Variants in ADAM28 observed in about 807,000 individuals in gnomAD.
ADAM28 encodes the protein ADAM metallopeptidase domain 28, also known as disintegrin and metalloproteinase domain-containing protein 28.
ADAM28 carries 105 observed loss-of-function variants against 101.2 expected under a neutral mutation model. That is an observed-to-expected ratio of 1.04 (90% CI 0.89 to 1.22). The LOEUF (loss-of-function observed/expected upper bound fraction) is 1.22, where lower values mean the gene tolerates loss of function less well. Ranked by LOEUF, ADAM28 falls within the 50% of genes most tolerant of loss-of-function variation. The pLI is 0.00. For synonymous variants in ADAM28, 322 were observed against 310.6 expected, an observed-to-expected ratio of 1.04 and a Z score of -0.39; for missense variants, 1,028 against 945.4, an observed-to-expected ratio of 1.09 and a Z score of -1.15.
intron 5 of ADAM28, among the ~76,000 whole-genome samples, chr8:24,312,582 G>T (rs189256185): frequency 6.6e-6 from 1 of 151,792 alleles, no homozygotes; most frequent in Non-Finnish European, 1.5e-5. Flanking sequence ...ATTTAATTCA[G>T]TCTGTCTATT....
chr8:24,318,113 T>C (rs1811402501), intron 6 of ADAM28, among the ~76,000 whole-genome samples: 1 of 151,978 alleles, frequency 6.6e-6, no homozygotes, highest in Admixed American at 6.6e-5. Context: ...AGCTTGATGT[T>C]TGCCTTACTT....
chr8:24,342,569 A>G (rs912435849), intron 16 of ADAM28, among the ~76,000 whole-genome samples: 1 of 151,990 alleles, frequency 6.6e-6, no homozygotes, highest in African/African-American at 2.4e-5. Context: ...CTTTTCCCCC[A>G]TTTTTCCTGA....
At chr8:24,339,840 G>A (rs1204474603) in intron 15 of ADAM28, among the ~76,000 whole-genome samples, 1 of 152,174 alleles carries the variant, frequency 6.6e-6, no homozygotes. Context: ...ATGAATGGTT[G>A]TGATGGAACA....
chr8:24,323,600 C>A (rs1238067305), intron 8 of ADAM28, among the ~76,000 whole-genome samples: 1 of 151,774 alleles, frequency 6.6e-6, no homozygotes, highest in Non-Finnish European at 1.5e-5. Flanking sequence ...CTACCACCCC[C>A]CACCCAAAAA....
At chr8:24,350,722 C>T (rs560709684) in intron 19 of ADAM28, among the ~76,000 whole-genome samples, 8 of 152,264 alleles carry the variant, frequency 5.3e-5, no homozygotes, top group African/African-American at 1.7e-4. Flanking sequence ...AACCCTTACA[C>T]AATTTTGCAA....
intron 6 of ADAM28, 63 bp downstream of exon 6, chr8:24,313,643 C>T (rs1810770084): frequency 1.3e-6 from 2 of 1,522,030 alleles, no homozygotes; most frequent in African/African-American, 2.8e-5. Flanking sequence ...CCAGAATTAG[C>T]AGTGCAATTT....
rs566757069 is a variant in ADAM28, at chr8:24,348,123, G to C, written c.1991-1741G>C. On this transcript the variant is annotated intron_variant, in intron 18 of 22. Coordinates refer to ENST00000265769, the MANE Select transcript of ADAM28 (RefSeq NM_014265.6). Reference sequence around the variant, plus strand: ...TTCTCTCCTTTCTTACTTTCTTATAGACTTATTGATTTTATTATTTTATTA... The same window carrying C: ...TTCTCTCCTTTCTTACTTTCTTATACACTTATTGATTTTATTATTTTATTA... 2.0e-5 allele frequency among the ~76,000 whole-genome samples: 3 copies of C among 151,854 alleles called. No homozygotes were observed. In the South Asian group the frequency reaches 6.3e-4, roughly 32 times the overall value.
intron 1 of ADAM28, among the ~76,000 whole-genome samples, chr8:24,298,935 T>C (rs1282475753): frequency 6.6e-6 from 1 of 151,946 alleles, no homozygotes; most frequent in Non-Finnish European, 1.5e-5. Context: ...CTCATACCTG[T>C]AATCCCAGCA....
chr8:24,321,590 C>T, intron 8 of ADAM28: 1 of 385,254 alleles, frequency 2.6e-6, no homozygotes, highest in Non-Finnish European at 4.8e-6. Flanking sequence ...AGACCAAATC[C>T]CAACAGAAAG....
intron 1 of ADAM28, 24 bp downstream of exon 1, chr8:24,294,219 G>C: frequency 6.2e-7 from 1 of 1,613,526 alleles, no homozygotes; most frequent in Non-Finnish European, 8.5e-7. Context: ...TCTTTTTCAG[G>C]TTCTATTGAA....
At chr8:24,318,449 G>A (rs535397937) in intron 6 of ADAM28, among the ~76,000 whole-genome samples, 1 of 151,938 alleles carries the variant, frequency 6.6e-6, no homozygotes, top group African/African-American at 2.4e-5. Flanking sequence ...CCTGCCCTGT[G>A]CCTTATTTAA....
chr8:24,337,389 T>C (rs1387109602), intron 14 of ADAM28, among the ~76,000 whole-genome samples: 2 of 152,212 alleles, frequency 1.3e-5, no homozygotes, highest in Non-Finnish European at 2.9e-5. Context: ...TTGTAGTAAA[T>C]ATTAACTGCA....
chr8:24,330,404 A>G (rs1813217793), intron 11 of ADAM28, among the ~76,000 whole-genome samples: 1 of 152,168 alleles, frequency 6.6e-6, no homozygotes, highest in Admixed American at 6.6e-5. Flanking sequence ...CCATGAATTC[A>G]GCATAGATGG....
intron 1 of ADAM28, among the ~76,000 whole-genome samples, chr8:24,298,426 C>A (rs531313546): frequency 2.0e-5 from 3 of 151,912 alleles, no homozygotes; most frequent in African/African-American, 7.2e-5. Flanking sequence ...TTTTAAAAAA[C>A]GCTGTTTTTT....
At position 24,356,658 on chromosome 8, in the gene ADAM28, C is replaced by CT. The variant is rs1816706631; in HGVS notation, c.*2254_*2255insT. On this transcript the variant is annotated 3_prime_UTR_variant, in exon 23 of 23. Transcript: ENST00000265769. Reference sequence around the variant, plus strand: ...TACTGTTTCCACACTTACTTATATCCGTAACTTTCTAACTTTAAGGGAATT... The same window carrying CT: ...TACTGTTTCCACACTTACTTATATCCTGTAACTTTCTAACTTTAAGGGAATT... The CT allele has an allele frequency of 1.3e-5, 2 of 152,188 alleles. No homozygotes were observed. Among genetic ancestry groups the CT allele is most frequent in the Admixed American group, 6.6e-5 (1 of 15,262 alleles). The allele number at this position is 152,188 out of a possible 1,614,324, so 9.4% of individuals were successfully genotyped here.
chr8:24,339,656 G>A, intron 15 of ADAM28, 88 bp downstream of exon 15: 1 of 1,145,786 alleles, frequency 8.7e-7, no homozygotes, highest in Non-Finnish European at 1.3e-6. Context: ...TCCAGTTAAA[G>A]GGAAAGTGCA....
intron 19 of ADAM28, 151 bp from the exon 20 acceptor site, chr8:24,351,081 A>G (rs79031565): frequency 0.029 from 15,038 of 521,166 alleles, 292 homozygotes; most frequent in East Asian, 0.08. Context: ...CTGACGGGGA[A>G]GTAAAAACTG....
chr8:24,331,063 G>T (rs978366578), intron 11 of ADAM28, 87 bp from the exon 12 acceptor site: 2 of 1,318,776 alleles, frequency 1.5e-6, no homozygotes, highest in Middle Eastern at 2.2e-4. Flanking sequence ...GGGGCAGGCC[G>T]TGGGTGTAAT....
At chr8:24,294,711 T>A (rs1183553883) in intron 1 of ADAM28, among the ~76,000 whole-genome samples, 1 of 152,212 alleles carries the variant, frequency 6.6e-6, no homozygotes, top group Non-Finnish European at 1.5e-5. Context: ...TTAATATTTT[T>A]TATTTATAAG....
Sources: allele counts gnomAD v4.1 joint callset (sites outside exome capture counted in the v4.1 genomes callset), GRCh38; gene constraint gnomAD v4.1.1; transcripts MANE v1.5; gene names NCBI Gene and HGNC (gene_info 2026-07-23, HGNC 2026-07-21).